NXT2: variants seen among roughly 807,000 people sequenced by gnomAD.
NXT2 encodes nuclear transport factor 2 like export factor 2.
A neutral mutation model predicts 9.6 loss-of-function variants in NXT2; 1 was observed. That is an observed-to-expected ratio of 0.10 (90% CI 0.04 to 0.49). The LOEUF (loss-of-function observed/expected upper bound fraction) is 0.49. Among genes scored for constraint, NXT2 ranks in the 20% least tolerant of loss-of-function variants. The pLI, the probability that NXT2 is intolerant of heterozygous loss-of-function variation, is 0.95. For synonymous variants in NXT2, 22 were observed against 35.4 expected, an observed-to-expected ratio of 0.62 and a Z score of 1.34; for missense variants, 48 against 100.3, an observed-to-expected ratio of 0.48 and a Z score of 2.23.
upstream of NXT2, among the ~76,000 whole-genome samples, chrX:109,536,484 G>A (rs1454060099): frequency 8.9e-6 from 1 of 112,453 alleles, no homozygotes; most frequent in Admixed American, 9.3e-5. Context: ...CTTCCAGAAC[G>A]TTCCAGAATG....
At chrX:109,542,362 A>T (rs1933437824) in intron 3 of NXT2, 145 bp from the exon 4 acceptor site, 1 of 406,936 alleles carries the variant, frequency 2.5e-6, no homozygotes, top group African/African-American at 2.6e-5. Context: ...TTGAGTATGC[A>T]TGCTTAAGAT....
chrX:109,544,148 TA>T lies in NXT2; in HGVS notation c.*1462del, dbSNP rs1043030684. On this transcript the variant is annotated 3_prime_UTR_variant, in exon 4 of 4. Transcript: ENST00000372106. Reference sequence around the variant, plus strand: ...AACATTAAATATCTTTTCCATTTTTTAATGTTTGTAAGCTAGATATGCCAGC... The same window carrying T: ...AACATTAAATATCTTTTCCATTTTTTATGTTTGTAAGCTAGATATGCCAGC... 8.9e-6 allele frequency: 1 copy of T among 112,826 alleles called. No homozygotes were observed. 9.3% of individuals were successfully genotyped at this position (112,826 alleles called of 1,213,427 possible). A position where few individuals can be genotyped will look rare whatever the true frequency, so the allele number is the denominator to read the frequency against.
At chrX:109,538,256 C>G in intron 2 of NXT2, 125 bp downstream of exon 2, 2 of 434,324 alleles carry the variant, frequency 4.6e-6, no homozygotes, top group South Asian at 1.0e-4. Context: ...TCTTTAAAAG[C>G]AAATTGCTCA....
At chrX:109,541,344 A>G in intron 2 of NXT2, 131 bp from the exon 3 acceptor site, 1 of 490,694 alleles carries the variant, frequency 2.0e-6, no homozygotes, top group East Asian at 3.7e-5. Context: ...AGATGGAGCA[A>G]GGGGAGTGGA....
In NXT2 at chrX:109,538,139, TTA is replaced by T. The variant is rs766042244; in HGVS notation, c.102+11_102+12del. On this transcript the variant is annotated intron_variant, in intron 2 of 3. Coordinates refer to ENST00000372106, the MANE Select transcript of NXT2 (RefSeq NM_001242617.2). ...ATGGATAAAAGAAGACGGGTGAGTGTTATAGACTCTACTACTCTTTATAGACT... is the reference window on the plus strand; with the variant it reads ...ATGGATAAAAGAAGACGGGTGAGTGTTAGACTCTACTACTCTTTATAGACT... 2.5e-5 allele frequency: 26 copies of T among 1,046,464 alleles called. No individual in the cohort carries two copies. Among genetic ancestry groups the T allele is most frequent in the Non-Finnish European group, 3.3e-5 (25 of 748,480 alleles). The allele number at this position is 1,046,464 out of a possible 1,213,427, so 86.2% of individuals were successfully genotyped here. A position where few individuals can be genotyped will look rare whatever the true frequency, so the allele number is the denominator to read the frequency against.
intron 1 of NXT2, 32 bp from the exon 2 acceptor site, chrX:109,538,013 G>T: frequency 1.0e-6 from 1 of 965,343 alleles, no homozygotes; most frequent in Non-Finnish European, 1.5e-6. Flanking sequence ...TGAAAAGGTT[G>T]GTAATCTATA....
At chrX:109,537,705 G>T (rs796469997) in intron 1 of NXT2, among the ~76,000 whole-genome samples, 1 of 111,421 alleles carries the variant, frequency 9.0e-6, no homozygotes, top group East Asian at 2.8e-4. Flanking sequence ...TAAGGTTCAG[G>T]TGGTGTCATT....
upstream of NXT2, chrX:109,535,858 C>A (rs1377922540): frequency 9.2e-7 from 1 of 1,085,333 alleles, no homozygotes; most frequent in Admixed American, 2.4e-5. Flanking sequence ...GAGAAAAGAG[C>A]CAGATAAAGA....
chrX:109,537,752 T>A (rs1933316704), intron 1 of NXT2, among the ~76,000 whole-genome samples: 2 of 112,095 alleles, frequency 1.8e-5, no homozygotes, highest in Admixed American at 1.9e-4. Flanking sequence ...ATTGAAAGTC[T>A]AAAGTGCTTA....
chrX:109,539,031 C>T (rs1369229354), intron 2 of NXT2, among the ~76,000 whole-genome samples: 1 of 110,853 alleles, frequency 9.0e-6, no homozygotes, highest in Non-Finnish European at 1.9e-5. Context: ...TAGCCCCCCA[C>T]CCCCTGACAG....
chrX:109,540,491 C>G (rs1203021201), intron 2 of NXT2, among the ~76,000 whole-genome samples: 1 of 110,028 alleles, frequency 9.1e-6, no homozygotes, highest in Non-Finnish European at 1.9e-5. Context: ...CCACGCCCGG[C>G]TAATTTTTGT....
rs188446532 is a variant in NXT2, at chrX:109,537,088, G to A, written c.15+67G>A. Reference sequence around the variant, plus strand: ...CCAGTGGCTGAGAGGAGGGATTCCGGGGCGGTCTGGCTGCTGCTCACGTGG... The same window carrying A: ...CCAGTGGCTGAGAGGAGGGATTCCGAGGCGGTCTGGCTGCTGCTCACGTGG... On this transcript the variant is annotated intron_variant, in intron 1 of 3. Transcript: ENST00000372106. 2,357 of 1,158,797 alleles carry A rather than the reference G, an allele frequency of 2.0e-3. 23 individuals are homozygous for A. In the African/African-American group the frequency reaches 0.036, roughly 18 times the overall value.
At chrX:109,538,467 T>C (rs1933335743) in intron 2 of NXT2, among the ~76,000 whole-genome samples, 1 of 111,895 alleles carries the variant, frequency 8.9e-6, no homozygotes, top group African/African-American at 3.3e-5. Context: ...TTTCCTTTTC[T>C]TAGTTCCATC....
upstream of NXT2, chrX:109,536,752 A>G (rs1933281869): frequency 2.3e-6 from 2 of 858,586 alleles, no homozygotes; most frequent in Non-Finnish European, 3.1e-6. Flanking sequence ...TAAACTAAGT[A>G]TCAAACAAGT....
At chrX:109,542,361 C>T in intron 3 of NXT2, 146 bp from the exon 4 acceptor site, 1 of 401,169 alleles carries the variant, frequency 2.5e-6, no homozygotes. Flanking sequence ...TTTGAGTATG[C>T]ATGCTTAAGA....
intron 2 of NXT2, 115 bp from the exon 3 acceptor site, chrX:109,541,360 A>G: frequency 1.7e-6 from 1 of 595,126 alleles, no homozygotes; most frequent in Non-Finnish European, 2.5e-6. Context: ...GTGGAGATGA[A>G]GGTAGAACTA....
chrX:109,538,073 G>A lies in NXT2; in HGVS notation c.44G>A (p.Cys15Tyr). 8.3e-7 allele frequency: 1 copy of A among 1,202,637 alleles called. No homozygotes were observed. The highest frequency in any genetic ancestry group is 1.1e-6 in the Non-Finnish European group (1 of 887,214). ...TTTAAAACTTATGTAGATCAGGCATGTAGAGCTGCTGAGGAGTTTGTCAAT... is the reference window on the plus strand; with the variant it reads ...TTTAAAACTTATGTAGATCAGGCATATAGAGCTGCTGAGGAGTTTGTCAAT... ...LDFKTYVDQA[C>Y]RAAEEFVNIY... The change falls in exon 2 of 4, where the codon TGT (cysteine) becomes TAT (tyrosine). Residue 15 changes from cysteine to tyrosine, a missense_variant. By Grantham distance (194) the Cys-to-Tyr change is radical. Coordinates refer to ENST00000372106, the MANE Select transcript of NXT2 (RefSeq NM_001242617.2).
chrX:109,536,684 A>T, upstream of NXT2: 3 of 393,528 alleles, frequency 7.6e-6, no homozygotes, highest in Non-Finnish European at 1.2e-5. Flanking sequence ...TCGTTAGAAA[A>T]GTAGGGGACT....
chrX:109,537,130 G>A lies in NXT2; in HGVS notation c.15+109G>A, dbSNP rs1933295145. On this transcript the variant is annotated intron_variant, in intron 1 of 3. Coordinates refer to ENST00000372106, the MANE Select transcript of NXT2 (RefSeq NM_001242617.2). Reference sequence around the variant, plus strand: ...CTCACGTGGATAGGTGACGAATCACGTCCCGGCTCTCTGCACTGCGGGGCG... The same window carrying A: ...CTCACGTGGATAGGTGACGAATCACATCCCGGCTCTCTGCACTGCGGGGCG... The A allele has an allele frequency of 1.5e-5, 16 of 1,103,319 alleles. No individual in the cohort carries two copies. In the South Asian group the frequency reaches 3.4e-4, roughly 24 times the overall value. The allele number at this position is 1,103,319 out of a possible 1,213,427, so 90.9% of individuals were successfully genotyped here.
Sources: allele counts gnomAD v4.1 joint callset (sites outside exome capture counted in the v4.1 genomes callset), GRCh38; gene constraint gnomAD v4.1.1; transcripts MANE v1.5; gene names NCBI Gene and HGNC (gene_info 2026-07-23, HGNC 2026-07-21).